The following FYB1 variants were observed in gnomAD, a reference collection of about 807,000 sequenced individuals.
The protein encoded by FYB1 is FYN binding protein 1.
A neutral mutation model predicts 94.1 loss-of-function variants in FYB1; 41 were observed. That is an observed-to-expected ratio of 0.44 (90% confidence interval 0.34 to 0.57). The LOEUF is 0.57. Among genes scored for constraint, FYB1 ranks in the 20% least tolerant of loss-of-function variants. The pLI is 0.02. For missense variants in FYB1, 1,050 were observed against 976.8 expected (o/e 1.07, Z -1.00); for synonymous variants, 367 against 353.2 (o/e 1.04, Z -0.44).
Position 39,134,849 on chromosome 5 carries a change from A to G in FYB1, c.1675+6T>C. The G allele has an allele frequency of 6.2e-7, 1 of 1,613,098 alleles. No homozygotes were observed. Among genetic ancestry groups the G allele is most frequent in the Non-Finnish European group, 8.5e-7 (1 of 1,179,470 alleles). On this transcript the variant is annotated splice_donor_region_variant and intron_variant, in intron 8 of 18. Transcript: ENST00000512982. ...ACTTCGAAGCCATAGAGAAATTTGCACTCACATGAACCCCTTGCTGTTCTG... is the reference window on the plus strand; with the variant it reads ...ACTTCGAAGCCATAGAGAAATTTGCGCTCACATGAACCCCTTGCTGTTCTG...
chr5:39,270,114 A>G (rs923533684), intron 1 of FYB1, among the ~76,000 whole-genome samples: 1 of 152,178 alleles, frequency 6.6e-6, no homozygotes, highest in Non-Finnish European at 1.5e-5. Context: ...ATTAAAATAA[A>G]AAAATACATT....
At chr5:39,199,324 A>G (rs756561706) in intron 2 of FYB1, among the ~76,000 whole-genome samples, 23 of 152,130 alleles carry the variant, frequency 1.5e-4, no homozygotes, top group Non-Finnish European at 3.4e-4. Context: ...TATTTCTAGC[A>G]TTGTTTAAGA....
chr5:39,158,220 G>T (rs10052584), intron 2 of FYB1, among the ~76,000 whole-genome samples: 96,656 of 152,128 alleles, frequency 0.64, 31,910 homozygotes, highest in South Asian at 0.73. Flanking sequence ...CTTTTTAATT[G>T]TGGAAGTTTG....
intron 16 of FYB1, among the ~76,000 whole-genome samples, chr5:39,111,262 C>A (rs937567104): frequency 4.0e-5 from 6 of 151,814 alleles, no homozygotes; most frequent in Admixed American, 3.9e-4. Flanking sequence ...CTGTTGTATG[C>A]TTGAGATTAG....
chr5:39,202,355 C>A lies in FYB1; in HGVS notation c.606G>T (p.Pro202=). The change falls in exon 2 of 19, where the codon CCG becomes CCT. Residue 202 remains proline (P), a synonymous_variant. Transcript: ENST00000512982. ...CATGGGAGTTCTCGGTACTTAGGGG[C>A]GGCTTCTGGCCAAAGGCGGGTTTGG... ...LFPKPAFGQK[P]PLSTENSHED... 2 of 1,613,900 alleles carry A rather than the reference C, an allele frequency of 1.2e-6. No homozygotes were observed. Among genetic ancestry groups the A allele is most frequent in the Non-Finnish European group, 1.7e-6 (2 of 1,179,862 alleles).
intron 1 of FYB1, among the ~76,000 whole-genome samples, chr5:39,265,830 C>G (rs1410693877): frequency 1.3e-5 from 2 of 152,142 alleles, no homozygotes; most frequent in Non-Finnish European, 2.9e-5. Context: ...TAGCAGAGTG[C>G]AGACTTGAAG....
intron 1 of FYB1, among the ~76,000 whole-genome samples, chr5:39,244,957 G>A (rs924237527): frequency 2.6e-5 from 4 of 152,086 alleles, no homozygotes; most frequent in African/African-American, 9.7e-5. Context: ...TCTGATGGTA[G>A]TTTGTATTTC....
In FYB1 at chr5:39,201,833, A is replaced by G. The variant is rs1363138309; in HGVS notation, c.1128T>C (p.Ser376=). 2 of 1,611,248 alleles carry G rather than the reference A, an allele frequency of 1.2e-6. No individual in the cohort carries two copies. The highest frequency in any genetic ancestry group is 8.5e-7 in the Non-Finnish European group (1 of 1,178,098). ...VDLTKFHKTS[S]GNSTSKGQTS... is the part of the protein sequence containing the mutation. ...AACGAGAAAAGAACTCACTGTTTCC[A>G]GAAGAGGTTTTGTGGAATTTCGTCA... The change falls in exon 2 of 19, where the codon TCT becomes TCC. Residue 376 remains serine, a synonymous_variant. Coordinates refer to ENST00000512982, the MANE Select transcript of FYB1 (RefSeq NM_001465.6).
upstream of FYB1, chr5:39,219,659 T>C: frequency 1.1e-6 from 1 of 926,952 alleles, no homozygotes. Context: ...CAAGAAAAGT[T>C]CTATTATGCC....
intron 2 of FYB1, among the ~76,000 whole-genome samples, chr5:39,154,333 T>G (rs1439972419): frequency 6.6e-6 from 1 of 152,174 alleles, no homozygotes; most frequent in Non-Finnish European, 1.5e-5. Context: ...TATATTGGGC[T>G]TTGGAATTAC....
chr5:39,113,359 C>A (rs1324236304), intron 16 of FYB1, among the ~76,000 whole-genome samples: 1 of 152,082 alleles, frequency 6.6e-6, no homozygotes, highest in Non-Finnish European at 1.5e-5. Flanking sequence ...TGAGTGCGGT[C>A]ACACCAGGGA....
intron 18 of FYB1, 63 bp from the exon 19 acceptor site, chr5:39,107,528 G>T: frequency 3.4e-6 from 4 of 1,162,374 alleles, no homozygotes; most frequent in Non-Finnish European, 3.6e-6. Flanking sequence ...AGTATTCCAA[G>T]TTTGGAAATG....
At chr5:39,129,121 A>G (rs191172451) in intron 10 of FYB1, among the ~76,000 whole-genome samples, 72 of 152,218 alleles carry the variant, frequency 4.7e-4, no homozygotes, top group Admixed American at 1.8e-3. Flanking sequence ...ACAAAAACCA[A>G]TGAAACAGAA....
chr5:39,108,146 C>A, intron 18 of FYB1, 85 bp downstream of exon 18: 1 of 1,280,776 alleles, frequency 7.8e-7, no homozygotes, highest in Non-Finnish European at 1.1e-6. Flanking sequence ...TTGGAAGTCT[C>A]TAATCCAACA....
At chr5:39,185,899 C>A (rs531558850) in intron 2 of FYB1, among the ~76,000 whole-genome samples, 1 of 152,026 alleles carries the variant, frequency 6.6e-6, no homozygotes, top group Non-Finnish European at 1.5e-5. Context: ...CAGCCGGGCA[C>A]TTTTGACTTC....
chr5:39,246,186 G>C (rs1449101225), intron 1 of FYB1, among the ~76,000 whole-genome samples: 1 of 152,104 alleles, frequency 6.6e-6, no homozygotes, highest in Non-Finnish European at 1.5e-5. Flanking sequence ...AAGGAAGTAG[G>C]GGAAGCTTAG....
At chr5:39,221,545 G>T (rs563213232), upstream of FYB1, among the ~76,000 whole-genome samples, 69 of 152,294 alleles carry the variant, frequency 4.5e-4, no homozygotes, top group African/African-American at 1.6e-3. Flanking sequence ...AAATACCCAG[G>T]AATATGTAAT....
chr5:39,161,178 G>A (rs927894804), intron 2 of FYB1, among the ~76,000 whole-genome samples: 4 of 152,126 alleles, frequency 2.6e-5, no homozygotes, highest in Admixed American at 6.5e-5. Context: ...TAAACAGTGA[G>A]CTTCTGAGGT....
chr5:39,185,989 C>T (rs770202210), intron 2 of FYB1, among the ~76,000 whole-genome samples: 2 of 152,018 alleles, frequency 1.3e-5, no homozygotes, highest in Non-Finnish European at 2.9e-5. Flanking sequence ...CTGCCTTGTC[C>T]AGGAGGAAAG....
Sources: allele counts gnomAD v4.1 joint callset (sites outside exome capture counted in the v4.1 genomes callset), GRCh38; gene constraint gnomAD v4.1.1; transcripts MANE v1.5; gene names NCBI Gene and HGNC (gene_info 2026-07-23, HGNC 2026-07-21).